The following LCT variants were observed in gnomAD, a reference collection of about 807,000 sequenced individuals.
LCT encodes lactase, also known as lactase/phlorizin hydrolase.
LCT carries 90 observed loss-of-function variants against 173.0 expected under a neutral mutation model. The ratio of observed to expected loss-of-function variants is 0.52; its 90% confidence interval spans 0.44 to 0.62. The LOEUF (loss-of-function observed/expected upper bound fraction) is 0.62. Among genes scored for constraint, LCT ranks in the 20% least tolerant of loss-of-function variants. LCT has a pLI of 0.00. For synonymous variants in LCT, 853 were observed against 957.6 expected, an observed-to-expected ratio of 0.89 and a Z score of 2.02; for missense variants, 1,864 against 2,431.4, an observed-to-expected ratio of 0.77 and a Z score of 4.91.
intron 14 of LCT, among the ~76,000 whole-genome samples, chr2:135,792,911 A>G (rs1024089238): frequency 3.3e-5 from 5 of 152,140 alleles, no homozygotes; most frequent in Non-Finnish European, 7.4e-5. Context: ...CAACCTTGTA[A>G]TCCCCCTTCT....
In LCT at chr2:135,817,557, G is replaced by A; in HGVS notation, c.1491C>T (p.His497=). 1.2e-6 allele frequency: 2 copies of A among 1,614,166 alleles called. No individual in the cohort carries two copies. Among genetic ancestry groups the A allele is most frequent in the Non-Finnish European group, 1.7e-6 (2 of 1,180,022 alleles). Reference sequence around the variant, plus strand: ...CCTGCAGGGCCTGAGGCAGGTCCCAGTGGAACAGCGTGGCCATGGGCTCGA... The same window carrying A: ...CCTGCAGGGCCTGAGGCAGGTCCCAATGGAACAGCGTGGCCATGGGCTCGA... ...AGIEPMATLF[H]WDLPQALQDH... Residue 497 remains histidine, a synonymous_variant, in exon 6 of 17, where the codon CAC becomes CAT. Transcript: ENST00000264162.
At position 135,809,786 on chromosome 2, in the gene LCT, C is replaced by A; in HGVS notation, c.2561G>T (p.Arg854Ile). Residue 854 changes from arginine (R) to isoleucine (I), a missense_variant, in exon 8 of 17, where the codon AGA becomes ATA. Coordinates refer to ENST00000264162, the MANE Select transcript of LCT (RefSeq NM_002299.4). The surrounding 1 kb of genome is among the most constrained non-coding windows in gnomAD (Gnocchi z 5.5). ...KNGFLTKGAK[R>I]LLPPNTVNLP... ...GTTTACTGTATTAGGTGGTAGCAGT[C>A]TTTTTGCCCCCTTGGTGAGGAAACC... 6.2e-7 allele frequency: 1 copy of A among 1,614,182 alleles called. No homozygotes were observed. The highest frequency in any genetic ancestry group is 2.2e-5 in the East Asian group (1 of 44,882).
intron 11 of LCT, among the ~76,000 whole-genome samples, chr2:135,802,001 G>A (rs1047003921): frequency 3.3e-5 from 5 of 152,260 alleles, no homozygotes; most frequent in Admixed American, 6.5e-5. Context: ...ATAATCTGGA[G>A]CTCCTTGGGG....
rs1286177543 is a variant in LCT at position 135,800,024 on chromosome 2, A to G, written c.4866+583T>C. ...CTCTCTAGGAGTTAACTTCAAACCAATGTTACAGAAAGAATTACCTGTACA... is the reference window on the plus strand; with the variant it reads ...CTCTCTAGGAGTTAACTTCAAACCAGTGTTACAGAAAGAATTACCTGTACA... On this transcript the variant is annotated intron_variant, in intron 12 of 16. Coordinates refer to ENST00000264162, the MANE Select transcript of LCT (RefSeq NM_002299.4). Among the ~76,000 whole-genome samples, 7 of 152,310 alleles carry G rather than the reference A, an allele frequency of 4.6e-5. No homozygotes were observed. The East Asian group carries it at 1.3e-3, about 29-fold the overall frequency.
At chr2:135,811,805 G>T (rs2077736278) in intron 7 of LCT, among the ~76,000 whole-genome samples, 1 of 152,026 alleles carries the variant, frequency 6.6e-6, no homozygotes, top group African/African-American at 2.4e-5. Flanking sequence ...ACTGGGTCAG[G>T]CATGGTGGCT....
intron 12 of LCT, 50 bp downstream of exon 12, chr2:135,800,557 G>C (rs1447649541): frequency 6.9e-7 from 1 of 1,442,154 alleles, no homozygotes; most frequent in East Asian, 2.3e-5. Flanking sequence ...CATTAGGCTG[G>C]AAGGAAAGAT....
Position 135,807,161 on chromosome 2 carries a change from G to A in LCT, c.4140C>T (p.Gly1380=). 6.2e-7 allele frequency: 1 copy of A among 1,614,234 alleles called. No individual in the cohort carries two copies. ...CAGCAGAAGCTGCACTCCAGATGAA[G>A]CCCTCAGGAAACCGTCCGTACAGAA... ...DEFLYGRFPE[G]FIWSAASAAY... is the part of the protein sequence containing the mutation. Residue 1380 remains glycine (G), a synonymous_variant, in exon 9 of 17, where the codon GGC becomes GGT. Transcript: ENST00000264162.
At chr2:135,806,327 A>G (rs1315027352) in intron 9 of LCT, among the ~76,000 whole-genome samples, 22 of 152,258 alleles carry the variant, frequency 1.4e-4, no homozygotes, top group Admixed American at 1.4e-3. Flanking sequence ...AAAAAAGTTT[A>G]AAGAATTAAA....
rs2077510249 is a variant in LCT, at chr2:135,788,559, C to T, written c.5564-15G>A. Reference sequence around the variant, plus strand: ...GGGTCCAGCATCTAGGAGAGTGTGACACAGGGTGGTTGGTGCTCTGGCGCT... The same window carrying T: ...GGGTCCAGCATCTAGGAGAGTGTGATACAGGGTGGTTGGTGCTCTGGCGCT... On this transcript the variant is annotated splice_polypyrimidine_tract_variant and intron_variant, in intron 16 of 16. Coordinates refer to ENST00000264162, the MANE Select transcript of LCT (RefSeq NM_002299.4). 6.5e-7 allele frequency: 1 copy of T among 1,535,272 alleles called. No homozygotes were observed. Among genetic ancestry groups the T allele is most frequent in the African/African-American group, 1.4e-5 (1 of 73,978 alleles).
chr2:135,805,143 G>T, intron 9 of LCT, 86 bp from the exon 10 acceptor site: 1 of 1,279,998 alleles, frequency 7.8e-7, no homozygotes, highest in Non-Finnish European at 1.1e-6. Flanking sequence ...TCTCAAGTCA[G>T]GACGTTTACT....
intron 1 of LCT, among the ~76,000 whole-genome samples, chr2:135,834,066 G>A (rs1558747679): frequency 6.6e-6 from 1 of 151,760 alleles, no homozygotes. Flanking sequence ...TAATAAATGT[G>A]GAGTAATATT....
rs762583302 is a variant in LCT, at chr2:135,809,131, TA to T, written c.3215del (p.Leu1072GlnfsTer12). On this transcript the variant is annotated frameshift_variant, in exon 8 of 17. Transcript: ENST00000264162. LOFTEE classifies it high-confidence loss of function. This position sits in a 1 kb window ranked among gnomAD's most constrained non-coding sequence, Gnocchi z 5.5. ...GGGGAAATTCCCCTGAGCCATAACC[TA>T]GCCATGCCAGGTACATGGGCTCATT... ...TFNEPMYLAW[L>X]GYGSGEFPPG... The T allele has an allele frequency of 1.2e-6, 2 of 1,614,218 alleles. No individual in the cohort carries two copies. The highest frequency in any genetic ancestry group is 8.5e-7 in the Non-Finnish European group (1 of 1,180,046).
Position 135,822,079 on chromosome 2 carries a change from C to G in LCT, c.927G>C (p.Val309=). The G allele has an allele frequency of 6.2e-7, 1 of 1,603,804 alleles. No individual in the cohort carries two copies. Among genetic ancestry groups the G allele is most frequent in the Non-Finnish European group, 8.5e-7 (1 of 1,170,572 alleles). ...SLFEAINKDQ[V]LTIGFDINEF... ...CATTAATATCAAACCCAATGGTGAG[C>G]ACTTGGTCTTTATTTATGGCTGTAA... The change falls in exon 5 of 17, where the codon GTG becomes GTC. Residue 309 remains valine (V), a synonymous_variant. Transcript: ENST00000264162.
rs1559547874 is a variant in LCT, at chr2:135,790,892, A to G, written c.5112-11T>C. On this transcript the variant is annotated splice_polypyrimidine_tract_variant and intron_variant, in intron 14 of 16. Transcript: ENST00000264162. This position sits in a 1 kb window ranked among gnomAD's most constrained non-coding sequence, Gnocchi z 4.1. ...ATGGAAGCAACTCCTCTACAAGTTCAAAAACTAAAGATGAGGTCTTGTTTT... is the reference window on the plus strand; with the variant it reads ...ATGGAAGCAACTCCTCTACAAGTTCGAAAACTAAAGATGAGGTCTTGTTTT... The G allele has an allele frequency of 6.2e-7, 1 of 1,601,940 alleles. No individual in the cohort carries two copies. Among genetic ancestry groups the G allele is most frequent in the Non-Finnish European group, 8.6e-7 (1 of 1,168,876 alleles).
At chr2:135,825,979 T>C (rs1346538565) in intron 3 of LCT, among the ~76,000 whole-genome samples, 3 of 152,194 alleles carry the variant, frequency 2.0e-5, no homozygotes, top group Admixed American at 2.0e-4. Flanking sequence ...CTCCCTGTCC[T>C]GGGTGTGGTA....
At chr2:135,806,330 GA>G (rs2077670934) in intron 9 of LCT, among the ~76,000 whole-genome samples, 1 of 152,148 alleles carries the variant, frequency 6.6e-6, no homozygotes, top group African/African-American at 2.4e-5. Context: ...AAAGTTTAAA[GA>G]ATTAAAAAGT....
chr2:135,836,836 A>C lies in LCT; in HGVS notation c.334T>G (p.Cys112Gly). The change falls in exon 1 of 17, where the codon TGC becomes GGC. Residue 112 changes from cysteine (C) to glycine (G), a missense_variant. By Grantham distance (159) the Cys-to-Gly change is radical. Transcript: ENST00000264162. ...TQNPDEKTVQCYRRLLKALKT... is the reference protein window; with the variant it reads ...TQNPDEKTVQGYRRLLKALKT... The stretch of plus-strand genomic sequence containing the variant: ...AGGGCCTTGAGGAGTCGCCGGTAGC[A>C]CTGCACTGTTTTCTCGTCTGGATTC... 1 of 1,614,170 alleles carries C rather than the reference A, an allele frequency of 6.2e-7. No homozygotes were observed. Among genetic ancestry groups the C allele is most frequent in the Non-Finnish European group, 8.5e-7 (1 of 1,180,014 alleles).
chr2:135,809,301 C>G lies in LCT; in HGVS notation c.3046G>C (p.Val1016Leu). The change falls in exon 8 of 17, where the codon GTG becomes CTG. Residue 1016 changes from valine to leucine, a missense_variant. Coordinates refer to ENST00000264162, the MANE Select transcript of LCT (RefSeq NM_002299.4). The surrounding 1 kb of genome is among the most constrained non-coding windows in gnomAD (Gnocchi z 5.5). ...GLVASNIFPM[V>L]TLFHWDLPQA... ...GGCAGGTCCCAATGGAACAATGTCA[C>G]CATGGGAAAGATGTTGCTTGCCACC... is the stretch of plus-strand genomic sequence containing the variant. 1.2e-6 allele frequency: 2 copies of G among 1,614,210 alleles called. No homozygotes were observed. Among genetic ancestry groups the G allele is most frequent in the Non-Finnish European group, 1.7e-6 (2 of 1,180,022 alleles).
At chr2:135,816,041 G>T (rs916590619) in intron 6 of LCT, among the ~76,000 whole-genome samples, 10 of 152,188 alleles carry the variant, frequency 6.6e-5, no homozygotes, top group Non-Finnish European at 1.3e-4. Flanking sequence ...AACAGTGACA[G>T]GGAAAAGGCA....
Sources: gnomAD v4.1 joint callset for allele counts (sites outside exome capture counted in the v4.1 genomes callset) on GRCh38, gnomAD v4.1.1 for gene constraint, Gnocchi (gnomAD v3.1) non-coding constraint, MANE v1.5 for transcripts, NCBI Gene and HGNC (gene_info 2026-07-23, HGNC 2026-07-21) for gene names.